The following ZNF469 variants were observed in gnomAD, a reference collection of about 807,000 sequenced individuals.
ZNF469 encodes the protein zinc finger protein 469.
ZNF469 carries 1 observed loss-of-function variant against 1.0 expected under a neutral mutation model. The ratio of observed to expected loss-of-function variants is 1.00; its 90% confidence interval spans 0.35 to 4.73. The LOEUF is 4.73. ZNF469 is among the 30% of genes most tolerant of loss of function. The pLI is 0.16. For missense variants in ZNF469, 6,100 were observed against 5,356.3 expected, an observed-to-expected ratio of 1.14 and a Z score of -4.33; for synonymous variants, 2,703 against 2,363.4, an observed-to-expected ratio of 1.14 and a Z score of -4.17.
chr16:88,123,777 G>T, the ZNF469 span, among the ~76,000 whole-genome samples: 33,574 of 152,074 alleles, frequency 0.22, 5,358 homozygotes, highest in African/African-American at 0.46. Flanking sequence ...TTTGCAATCT[G>T]TGATGAAGTG....
the ZNF469 span, among the ~76,000 whole-genome samples, chr16:88,279,842 G>C: frequency 6.9e-6 from 1 of 144,610 alleles, no homozygotes. Context: ...GGTTAGTGCT[G>C]TGCCATGCTG....
chr16:88,401,280 G>C (rs1305442588), intron 1 of ZNF469, among the ~76,000 whole-genome samples: 1 of 152,238 alleles, frequency 6.6e-6, no homozygotes, highest in Non-Finnish European at 1.5e-5. Context: ...AACAATGTCA[G>C]GGCCTCTCTG....
At chr16:88,263,955 C>A in the ZNF469 span, among the ~76,000 whole-genome samples, 1 of 152,114 alleles carries the variant, frequency 6.6e-6, no homozygotes, top group Non-Finnish European at 1.5e-5. Context: ...AGCCCTGGAA[C>A]AAGCTCACAG....
At chr16:88,423,497 G>A (rs1384223202) in intron 1 of ZNF469, among the ~76,000 whole-genome samples, 6 of 152,192 alleles carry the variant, frequency 3.9e-5, no homozygotes, top group African/African-American at 7.2e-5. Context: ...AGGGGCATGA[G>A]TTACGGTTGT....
the ZNF469 span, among the ~76,000 whole-genome samples, chr16:88,110,872 T>A: frequency 6.6e-6 from 1 of 152,164 alleles, no homozygotes; most frequent in South Asian, 2.1e-4. Flanking sequence ...GAGAAATGCG[T>A]CTGCAGCCGG....
intron 1 of ZNF469, among the ~76,000 whole-genome samples, chr16:88,402,727 G>C (rs935528805): frequency 6.6e-6 from 1 of 152,152 alleles, no homozygotes. Context: ...ATGGGGCCCG[G>C]CCCCCGCCTG....
At chr16:88,380,613 A>AGT (rs2092519803), upstream of ZNF469, among the ~76,000 whole-genome samples, 1 of 145,062 alleles carries the variant, frequency 6.9e-6, no homozygotes, top group Non-Finnish European at 1.5e-5. Context: ...TCACACACGC[A>AGT]CACACCCAGA....
At position 88,383,225 on chromosome 16, in the gene ZNF469, G is replaced by A. The variant is rs1019722237; in HGVS notation, c.-221G>A. On this transcript the variant is annotated 5_prime_UTR_variant, in exon 1 of 3. It adds an upstream start codon to the 5' untranslated region. Coordinates refer to ENST00000565624, the MANE Select transcript of ZNF469 (RefSeq NM_001367624.2). ...CGGGAGCTCGTTGGCGGCGGCCGGC[G>A]TGGCGGGCGGAGCGGGCCTCGGAGC... Among the ~76,000 whole-genome samples, 2 of 147,252 alleles carry A rather than the reference G, an allele frequency of 1.4e-5. No individual in the cohort carries two copies. Among genetic ancestry groups the A allele is most frequent in the South Asian group, 2.1e-4 (1 of 4,826 alleles).
chr16:88,373,758 A>G, the ZNF469 span, among the ~76,000 whole-genome samples: 1 of 152,206 alleles, frequency 6.6e-6, no homozygotes, highest in African/African-American at 2.4e-5. Flanking sequence ...GCACTTTAGG[A>G]GGCTGAGGTG....
the ZNF469 span, among the ~76,000 whole-genome samples, chr16:88,202,329 G>A: frequency 4.6e-3 from 704 of 152,292 alleles, 9 homozygotes; most frequent in African/African-American, 0.016. Context: ...GCAGGAGGCC[G>A]CTTTGGCTCG....
the ZNF469 span, among the ~76,000 whole-genome samples, chr16:88,139,719 A>G: frequency 6.6e-6 from 1 of 151,278 alleles, no homozygotes; most frequent in Non-Finnish European, 1.5e-5. Context: ...GCCTGGGGAC[A>G]TGATGAGGAA....
At chr16:88,139,880 G>T in the ZNF469 span, among the ~76,000 whole-genome samples, 1 of 152,196 alleles carries the variant, frequency 6.6e-6, no homozygotes, top group African/African-American at 2.4e-5. Flanking sequence ...CCAGGCCAGA[G>T]GATCTGGTAA....
the ZNF469 span, among the ~76,000 whole-genome samples, chr16:88,110,859 C>A: frequency 6.6e-6 from 1 of 152,234 alleles, no homozygotes. Context: ...TGTAGCCTCG[C>A]TGGAGAAATG....
chr16:88,293,182 GTGGA>G, the ZNF469 span, among the ~76,000 whole-genome samples: 1 of 151,914 alleles, frequency 6.6e-6, no homozygotes, highest in African/African-American at 2.4e-5. Flanking sequence ...GAATACATGG[GTGGA>G]TGGATGGATG....
At chr16:88,285,597 C>T in the ZNF469 span, among the ~76,000 whole-genome samples, 24 of 152,264 alleles carry the variant, frequency 1.6e-4, no homozygotes, top group Non-Finnish European at 2.9e-4. Flanking sequence ...CCATTTGGCA[C>T]CCTCTTGCCC....
the ZNF469 span, among the ~76,000 whole-genome samples, chr16:88,109,957 G>A: frequency 6.6e-6 from 1 of 152,238 alleles, no homozygotes; most frequent in South Asian, 2.1e-4. Context: ...TGGCACAGGA[G>A]GAGTCAGGCT....
At chr16:88,163,894 GA>G in the ZNF469 span, among the ~76,000 whole-genome samples, 3 of 101,494 alleles carry the variant, frequency 3.0e-5, no homozygotes, top group African/African-American at 8.2e-5. Context: ...ATGGGTAGAT[GA>G]ATGGATGGAT....
the ZNF469 span, among the ~76,000 whole-genome samples, chr16:88,246,237 T>C: frequency 0.63 from 94,396 of 150,506 alleles, 31,112 homozygotes; most frequent in African/African-American, 0.85. Context: ...TTCATTCACT[T>C]ACTCATGTTT....
At chr16:88,121,113 TGGGGGGTCGGGAG>T in the ZNF469 span, among the ~76,000 whole-genome samples, 2 of 28,842 alleles carry the variant, frequency 6.9e-5, no homozygotes, top group East Asian at 1.9e-3. Flanking sequence ...CACGGTGGGA[TGGGGGGTCGGGAG>T]GGGGGCGCTG....
Sources: allele counts gnomAD v4.1 joint callset (sites outside exome capture counted in the v4.1 genomes callset), GRCh38; gene constraint gnomAD v4.1.1; transcripts MANE v1.5; gene names NCBI Gene and HGNC (gene_info 2026-07-23, HGNC 2026-07-21).